The following RGS6 variants were observed in gnomAD, a reference collection of about 807,000 sequenced individuals.
The protein encoded by RGS6 is regulator of G-protein signaling 6.
Under a neutral mutation model 78.5 loss-of-function variants are expected in RGS6, and 30 were observed. The observed-to-expected ratio is 0.38, with a 90% confidence interval of 0.29 to 0.52. The LOEUF (loss-of-function observed/expected upper bound fraction) is 0.52. Among genes scored for constraint, RGS6 ranks in the 20% least tolerant of loss-of-function variants. The pLI, the probability that RGS6 is intolerant of heterozygous loss-of-function variation, is 0.85. For synonymous variants in RGS6, 206 were observed against 206.0 expected, an observed-to-expected ratio of 1.00 and a Z score of 0.00; for missense variants, 495 against 609.7, an observed-to-expected ratio of 0.81 and a Z score of 1.98.
intron 1 of RGS6, among the ~76,000 whole-genome samples, chr14:71,962,158 A>G (rs2093246891): frequency 2.0e-5 from 3 of 152,238 alleles, no homozygotes; most frequent in Admixed American, 2.0e-4. Flanking sequence ...AAACATTTCT[A>G]CTGAATACGA....
intron 2 of RGS6, among the ~76,000 whole-genome samples, chr14:71,972,331 G>C (rs1208996674): frequency 7.7e-6 from 1 of 129,338 alleles, no homozygotes; most frequent in African/African-American, 2.8e-5. Flanking sequence ...CTACTAGCCA[G>C]GGGTTTCTGA....
intron 3 of RGS6, among the ~76,000 whole-genome samples, chr14:72,379,196 G>T (rs1032995712): frequency 2.0e-5 from 3 of 151,998 alleles, no homozygotes; most frequent in African/African-American, 7.2e-5. Context: ...CATAATAAAG[G>T]CCACATATGA....
chr14:72,185,539 A>G (rs117586768), intron 2 of RGS6, among the ~76,000 whole-genome samples: 2,138 of 152,336 alleles, frequency 0.014, 20 homozygotes, highest in Non-Finnish European at 0.021. Flanking sequence ...TAACAGTATG[A>G]CAAATGAAGG....
At chr14:72,125,909 T>C (rs531173061) in intron 2 of RGS6, among the ~76,000 whole-genome samples, 21 of 152,310 alleles carry the variant, frequency 1.4e-4, no homozygotes, top group African/African-American at 4.8e-4. Context: ...TATAAAACAA[T>C]GTAAGCAACT....
At chr14:72,152,715 T>C (rs187723893) in intron 2 of RGS6, among the ~76,000 whole-genome samples, 1 of 152,258 alleles carries the variant, frequency 6.6e-6, no homozygotes. Flanking sequence ...TTAGAAGTTA[T>C]TAATGACTGA....
At chr14:72,443,995 G>T (rs969903264) in intron 3 of RGS6, among the ~76,000 whole-genome samples, 2 of 152,180 alleles carry the variant, frequency 1.3e-5, no homozygotes, top group Non-Finnish European at 2.9e-5. Context: ...TAAGCTGATT[G>T]TTGAGCTAAA....
chr14:72,397,121 A>G (rs1445350986), intron 3 of RGS6, among the ~76,000 whole-genome samples: 1 of 152,186 alleles, frequency 6.6e-6, no homozygotes, highest in Non-Finnish European at 1.5e-5. Context: ...CATTGAATCT[A>G]TAAATTACCT....
chr14:72,251,726 G>A (rs994303355), intron 2 of RGS6, among the ~76,000 whole-genome samples: 2 of 152,154 alleles, frequency 1.3e-5, no homozygotes, highest in African/African-American at 4.8e-5. Flanking sequence ...ATGGAAAGGG[G>A]AGCAAGTGTT....
At chr14:72,001,885 A>G (rs375705112) in intron 2 of RGS6, among the ~76,000 whole-genome samples, 8 of 138,736 alleles carry the variant, frequency 5.8e-5, no homozygotes, top group Admixed American at 3.0e-4. Flanking sequence ...GTGTTTAGAC[A>G]TCCATTAATC....
intron 2 of RGS6, among the ~76,000 whole-genome samples, chr14:72,166,137 C>G (rs898779098): frequency 1.4e-5 from 2 of 144,350 alleles, no homozygotes; most frequent in Admixed American, 1.4e-4. Flanking sequence ...CACACACACA[C>G]AGACTGACTT....
chr14:72,055,795 A>G (rs991730959), intron 2 of RGS6, among the ~76,000 whole-genome samples: 20 of 152,248 alleles, frequency 1.3e-4, no homozygotes, highest in Admixed American at 2.6e-4. Context: ...TCATTTCTAA[A>G]GTACAAAGTT....
rs1041556770 is a variant in RGS6, at chr14:71,972,697, A to T, written c.84+7822A>T. 2.0e-5 allele frequency among the ~76,000 whole-genome samples: 3 copies of T among 152,188 alleles called. No homozygotes were observed. In the East Asian group the frequency reaches 5.8e-4, roughly 29 times the overall value. Reference sequence around the variant, plus strand: ...GAGAAGTGGTAGGATTGGAGGTAGGAGGACAGTTTAGAGATTGAACAGGAA... The same window carrying T: ...GAGAAGTGGTAGGATTGGAGGTAGGTGGACAGTTTAGAGATTGAACAGGAA... On this transcript the variant is annotated intron_variant, in intron 2 of 17. Transcript: ENST00000553525.
At chr14:72,498,462 A>G (rs1046398172) in intron 13 of RGS6, among the ~76,000 whole-genome samples, 4 of 152,192 alleles carry the variant, frequency 2.6e-5, no homozygotes, top group Admixed American at 2.0e-4. Context: ...CATTAGAACC[A>G]CCTGGAAGTT....
chr14:72,120,411 G>C (rs530030278), intron 2 of RGS6, among the ~76,000 whole-genome samples: 1 of 152,140 alleles, frequency 6.6e-6, no homozygotes. Context: ...CATTCCTGTA[G>C]CAATCCCTGA....
chr14:72,455,614 C>T (rs1330338646), intron 4 of RGS6, among the ~76,000 whole-genome samples: 1 of 152,178 alleles, frequency 6.6e-6, no homozygotes, highest in African/African-American at 2.4e-5. Flanking sequence ...TCTTTTCACC[C>T]CCTTGATTAG....
rs146412848 is a variant in RGS6, at chr14:72,459,596, G to A, written c.343-36G>A. 671 of 1,610,342 alleles carry A rather than the reference G, an allele frequency of 4.2e-4. 1 individual carries two copies. The African/African-American group carries it at 7.8e-3, about 19-fold the overall frequency. Reference sequence around the variant, plus strand: ...TGTGGGAGGGAAGCGCAGGCATGGCGCGCCCCTGAGCACTAACACCCATGC... The same window carrying A: ...TGTGGGAGGGAAGCGCAGGCATGGCACGCCCCTGAGCACTAACACCCATGC... On this transcript the variant is annotated intron_variant, in intron 5 of 17. Coordinates refer to ENST00000553525, the MANE Select transcript of RGS6 (RefSeq NM_001204424.2).
At chr14:71,959,426 T>C (rs2093031981) in intron 1 of RGS6, among the ~76,000 whole-genome samples, 1 of 152,206 alleles carries the variant, frequency 6.6e-6, no homozygotes, top group Admixed American at 6.5e-5. Context: ...GAAATTCTTA[T>C]TTGGCAGCAT....
chr14:72,080,245 T>G (rs1006186010), intron 2 of RGS6, among the ~76,000 whole-genome samples: 1 of 152,194 alleles, frequency 6.6e-6, no homozygotes, highest in Non-Finnish European at 1.5e-5. Context: ...TGAAGTGATA[T>G]CTCATTGTGG....
At chr14:72,541,291 C>T (rs1344849323) in intron 17 of RGS6, 2 of 903,560 alleles carry the variant, frequency 2.2e-6, no homozygotes, top group African/African-American at 3.6e-5. Flanking sequence ...GGGTTGAAAG[C>T]AGCCTAGTCA....
Sources: gnomAD v4.1 joint callset for allele counts (sites outside exome capture counted in the v4.1 genomes callset) on GRCh38, gnomAD v4.1.1 for gene constraint, MANE v1.5 for transcripts, NCBI Gene and HGNC (gene_info 2026-07-23, HGNC 2026-07-21) for gene names.